Variants in MGAM observed in about 807,000 individuals in gnomAD.
MGAM encodes the protein maltase-glucoamylase.
MGAM carries 253 observed loss-of-function variants against 358.8 expected under a neutral mutation model. The ratio of observed to expected loss-of-function variants is 0.71; its 90% CI spans 0.64 to 0.78. The LOEUF is 0.78. MGAM is among the 30% of genes least tolerant of loss of function. The pLI is 0.00. For synonymous variants in MGAM, 1,105 were observed against 1,227.1 expected (o/e 0.90, Z 2.08); for missense variants, 3,080 against 3,432.6 (o/e 0.90, Z 2.57).
At chr7:142,105,693 C>T in intron 70 of MGAM, 121 bp from the exon 71 acceptor site, 1 of 697,520 alleles carries the variant, frequency 1.4e-6, no homozygotes, top group Non-Finnish European at 2.5e-6. Flanking sequence ...AGTCTTTTAA[C>T]TAGACAATAC....
At chr7:142,019,400 G>T in intron 4 of MGAM, 81 bp downstream of exon 4, 1 of 1,470,596 alleles carries the variant, frequency 6.8e-7, no homozygotes, top group Non-Finnish European at 9.2e-7. Context: ...AGCCTGCAGA[G>T]TTCTGCTCTG....
At chr7:142,083,680 A>ATGGTGG (rs1424479906) in intron 53 of MGAM, among the ~76,000 whole-genome samples, 1 of 144,894 alleles carries the variant, frequency 6.9e-6, no homozygotes, top group Non-Finnish European at 1.6e-5. Flanking sequence ...TTGTGGTTAT[A>ATGGTGG]TGGTGGTGGT....
intron 18 of MGAM, among the ~76,000 whole-genome samples, chr7:142,037,608 G>T (rs1808108166): frequency 6.6e-6 from 1 of 152,098 alleles, no homozygotes; most frequent in Non-Finnish European, 1.5e-5. Flanking sequence ...GGAAGTTTTT[G>T]TCTGCTCATG....
rs777850516 is a variant in MGAM at position 142,063,579 on chromosome 7, C to T, written c.4338C>T (p.Tyr1446=). The part of the protein sequence containing the change: ...CRDASLNHPP[Y]MPHLESRDRG... ...ACGCCTCTCTGAACCACCCTCCCTACATGCCACGTAAGAAGCCTTGGCCTC... is the reference window on the plus strand; with the variant it reads ...ACGCCTCTCTGAACCACCCTCCCTATATGCCACGTAAGAAGCCTTGGCCTC... The change falls in exon 36 of 71, where the codon TAC becomes TAT. Residue 1446 remains tyrosine, a synonymous_variant. Transcript: ENST00000475668. The T allele has an allele frequency of 1.2e-5, 19 of 1,613,400 alleles. No individual in the cohort carries two copies. Among genetic ancestry groups the T allele is most frequent in the Admixed American group, 1.2e-4 (7 of 59,946 alleles).
intron 14 of MGAM, among the ~76,000 whole-genome samples, chr7:142,033,162 A>G (rs1333719182): frequency 6.6e-6 from 1 of 152,212 alleles, no homozygotes; most frequent in Admixed American, 6.5e-5. Flanking sequence ...GGGAAGATCT[A>G]GAGAGGATAA....
intron 31 of MGAM, 71 bp downstream of exon 31, chr7:142,058,399 T>C: frequency 6.3e-7 from 1 of 1,598,430 alleles, no homozygotes; most frequent in Non-Finnish European, 8.5e-7. Flanking sequence ...TTCATTTGTC[T>C]AATGTTTGTT....
At chr7:142,036,522 A>C (rs181803918) in intron 17 of MGAM, among the ~76,000 whole-genome samples, 1 of 152,196 alleles carries the variant, frequency 6.6e-6, no homozygotes, top group African/African-American at 2.4e-5. Context: ...AAGGTCTTTC[A>C]TCAAACTTCT....
Position 142,045,702 on chromosome 7 carries a change from GAATATAT to G in MGAM, c.2499-2067_2499-2061del, listed in dbSNP as rs373357898. Among the ~76,000 whole-genome samples, 43 of 83,906 alleles carry G rather than the reference GAATATAT, an allele frequency of 5.1e-4. 1 individual carries two copies. The highest frequency in any genetic ancestry group is 1.7e-3 in the African/African-American group (37 of 21,906). The allele number at this position is 83,906 out of a possible 152,430, so 55.0% of individuals were successfully genotyped here. ...TATATATTATATACATACAATATAT[GAATATAT>G]AATATATAATATATACATACAATGT... is the stretch of plus-strand genomic sequence containing the variant. On this transcript the variant is annotated intron_variant, in intron 21 of 70. Transcript: ENST00000475668.
chr7:142,073,941 G>A lies in MGAM; in HGVS notation c.5187-144G>A, dbSNP rs1813538840. 6.2e-6 allele frequency: 4 copies of A among 641,100 alleles called. 1 individual carries two copies. 39.7% of individuals were successfully genotyped at this position (641,100 alleles called of 1,614,324 possible). ...GTTGATATTATAGAAAAATGCATCT[G>A]TCGATTTTGTGTTTGTACCTCAAGA... On this transcript the variant is annotated intron_variant, in intron 44 of 70. Transcript: ENST00000475668.
chr7:142,046,540 G>T (rs1179113774), intron 21 of MGAM, among the ~76,000 whole-genome samples: 1 of 151,966 alleles, frequency 6.6e-6, no homozygotes, highest in East Asian at 1.9e-4. Flanking sequence ...GGATCACTAG[G>T]CTTAGTAGCC....
In MGAM at chr7:142,094,259, C is replaced by G. The variant is rs1815670570; in HGVS notation, c.7173-105C>G. On this transcript the variant is annotated intron_variant, in intron 60 of 70. Coordinates refer to ENST00000475668, the MANE Select transcript of MGAM (RefSeq NM_001365693.1). ...CTCAGAGTCCCGTGTTCCCTCCAAT[C>G]ACGCAGCAAACATTGACTAGGCTCA... is the stretch of plus-strand genomic sequence containing the variant. 1.9e-5 allele frequency: 25 copies of G among 1,325,094 alleles called. 2 individuals are homozygous for G. The highest frequency in any genetic ancestry group is 2.6e-5 in the Non-Finnish European group (25 of 961,854). 82.1% of individuals were successfully genotyped at this position (1,325,094 alleles called of 1,614,324 possible).
chr7:142,084,392 T>G, intron 53 of MGAM, 127 bp from the exon 54 acceptor site: 2 of 1,147,984 alleles, frequency 1.7e-6, no homozygotes, highest in Non-Finnish European at 1.2e-6. Context: ...ATCCTGTCAG[T>G]TTTGATGTGG....
intron 21 of MGAM, among the ~76,000 whole-genome samples, chr7:142,041,903 TATTATATATATACGTATA>T (rs1808644790): frequency 4.7e-5 from 2 of 42,760 alleles, no homozygotes; most frequent in Non-Finnish European, 7.4e-5. Context: ...ATAATATATA[TATTATATATATACGTATA>T]ATATATAATA....
chr7:142,097,698 C>G (rs1430638680), intron 66 of MGAM, 49 bp downstream of exon 66: 1 of 1,548,026 alleles, frequency 6.5e-7, no homozygotes, highest in Admixed American at 1.7e-5. Context: ...GTAGAGAGTA[C>G]AAAGGCTTTA....
At chr7:142,096,080 A>G (rs1300302945) in intron 64 of MGAM, 1 of 600,258 alleles carries the variant, frequency 1.7e-6, no homozygotes, top group Admixed American at 3.0e-5. Context: ...GAAGTTTGCC[A>G]TGGTTGAGAA....
At chr7:142,097,211 A>G (rs1816000733) in intron 65 of MGAM, among the ~76,000 whole-genome samples, 1 of 152,146 alleles carries the variant, frequency 6.6e-6, no homozygotes, top group African/African-American at 2.4e-5. Context: ...TGCTGAGATG[A>G]CAGACGTGAG....
At chr7:142,067,937 T>TATATATATATATTTATATATATATAA (rs1812909690) in intron 42 of MGAM, among the ~76,000 whole-genome samples, 1 of 34,012 alleles carries the variant, frequency 2.9e-5, no homozygotes, top group Non-Finnish European at 6.1e-5. Flanking sequence ...CTCCCTCAAA[T>TATATATATATATTTATATATATATAA]ATATATATAT....
intron 3 of MGAM, among the ~76,000 whole-genome samples, chr7:142,014,782 A>G (rs1479926648): frequency 6.6e-6 from 1 of 152,122 alleles, no homozygotes. Context: ...GTTGATAGAT[A>G]TCTCTAGTTC....
In MGAM at chr7:142,060,002, C is replaced by G. The variant is rs756256878; in HGVS notation, c.4059+36C>G. The G allele has an allele frequency of 7.7e-6, 12 of 1,560,572 alleles. No individual in the cohort carries two copies. The South Asian group carries it at 8.2e-5, about 11-fold the overall frequency. Reference sequence around the variant, plus strand: ...AAGCGATGATCCACTAGTCCCCAGCCTGAGGGTGGGTCACTGTTGGTGGGT... The same window carrying G: ...AAGCGATGATCCACTAGTCCCCAGCGTGAGGGTGGGTCACTGTTGGTGGGT... On this transcript the variant is annotated intron_variant, in intron 33 of 70. Transcript: ENST00000475668.
Sources: gnomAD v4.1 joint callset for allele counts (sites outside exome capture counted in the v4.1 genomes callset) on GRCh38, gnomAD v4.1.1 for gene constraint, MANE v1.5 for transcripts, NCBI Gene and HGNC (gene_info 2026-07-23, HGNC 2026-07-21) for gene names.